The following FMN2 variants were observed in gnomAD, a reference collection of about 807,000 sequenced individuals.
FMN2 encodes formin 2.
Under a neutral mutation model 142.3 loss-of-function variants are expected in FMN2, and 51 were observed. The ratio of observed to expected loss-of-function variants is 0.36; its 90% CI spans 0.29 to 0.45. FMN2 has a LOEUF of 0.45. Ranked by LOEUF, FMN2 falls within the 20% of genes least tolerant of loss-of-function variation. The pLI is 1.00. For missense variants in FMN2, 1,936 were observed against 2,122.8 expected, an observed-to-expected ratio of 0.91 and a Z score of 1.73; for synonymous variants, 882 against 869.8, an observed-to-expected ratio of 1.01 and a Z score of -0.25.
intron 14 of FMN2, among the ~76,000 whole-genome samples, chr1:240,378,825 C>A (rs1673133322): frequency 6.6e-6 from 1 of 152,086 alleles, no homozygotes; most frequent in Non-Finnish European, 1.5e-5. Context: ...TTTATATCAT[C>A]CATTTTCTTC....
intron 3 of FMN2, among the ~76,000 whole-genome samples, chr1:240,185,825 A>G (rs918860742): frequency 2.6e-5 from 4 of 152,156 alleles, no homozygotes; most frequent in East Asian, 1.9e-4. Context: ...TCTTGAGTCT[A>G]TTGTGTTTGG....
intron 13 of FMN2, among the ~76,000 whole-genome samples, chr1:240,341,029 A>G (rs1023952642): frequency 7.2e-5 from 11 of 152,084 alleles, no homozygotes; most frequent in African/African-American, 1.2e-4. Flanking sequence ...CATCTCTTTC[A>G]TGTGTTTAAA....
In FMN2 at chr1:240,222,988, C is replaced by T. The variant is rs562274162; in HGVS notation, c.4065+11753C>T. ...GAATACCCTTTATTTCTTTCTTTTG[C>T]CTGATTGCCCTGGCCAGAACTTTTA... On this transcript the variant is annotated intron_variant, in intron 6 of 17. Coordinates refer to ENST00000319653, the MANE Select transcript of FMN2 (RefSeq NM_020066.5). 2.7e-3 allele frequency among the ~76,000 whole-genome samples: 413 copies of T among 152,248 alleles called. 3 individuals are homozygous for T. The South Asian group carries it at 0.027, about 10-fold the overall frequency.
intron 1 of FMN2, among the ~76,000 whole-genome samples, chr1:240,096,499 ACGTT>A (rs1026441298): frequency 6.6e-6 from 1 of 152,096 alleles, no homozygotes. Flanking sequence ...ATCTGCCACT[ACGTT>A]TGCTTCTTTA....
At chr1:240,327,061 T>C (rs1671196385) in intron 8 of FMN2, among the ~76,000 whole-genome samples, 1 of 152,214 alleles carries the variant, frequency 6.6e-6, no homozygotes, top group Non-Finnish European at 1.5e-5. Flanking sequence ...AATGAAGTAG[T>C]ATTTGCTCAA....
intron 15 of FMN2, among the ~76,000 whole-genome samples, chr1:240,397,716 G>A (rs571191359): frequency 2.1e-4 from 32 of 150,466 alleles, no homozygotes; most frequent in African/African-American, 7.1e-4. Flanking sequence ...CTTGAACCTG[G>A]GAGGCGGAGG....
intron 2 of FMN2, chr1:240,170,270 A>G: frequency 8.5e-7 from 1 of 1,177,524 alleles, no homozygotes; most frequent in Non-Finnish European, 1.3e-6. Flanking sequence ...AAGGCTCGTG[A>G]AGTTTGAATC....
intron 3 of FMN2, among the ~76,000 whole-genome samples, chr1:240,184,895 A>C (rs1294682407): frequency 6.6e-6 from 1 of 151,340 alleles, no homozygotes; most frequent in Non-Finnish European, 1.5e-5. Flanking sequence ...CCGCTCCCTA[A>C]AGGACACTTT....
intron 1 of FMN2, among the ~76,000 whole-genome samples, chr1:240,116,669 T>C (rs1662036292): frequency 6.6e-6 from 1 of 151,920 alleles, no homozygotes; most frequent in African/African-American, 2.4e-5. Context: ...AGCAGGAGGA[T>C]TGCTTTTGTC....
chr1:240,295,204 A>G lies in FMN2; in HGVS notation c.4215+321A>G, dbSNP rs796603303. Among the ~76,000 whole-genome samples the G allele has an allele frequency of 8.6e-4, 118 of 136,706 alleles. 1 individual carries two copies. Among genetic ancestry groups the G allele is most frequent in the South Asian group, 3.2e-3 (15 of 4,632 alleles). 89.7% of individuals were successfully genotyped at this position (136,706 alleles called of 152,430 possible). A position where few individuals can be genotyped will look rare whatever the true frequency, so the allele number is the denominator to read the frequency against. The stretch of plus-strand genomic sequence containing the variant: ...GTGCACTTCATACACACACACACAC[A>G]CACACACACACACACACACACTCAC... On this transcript the variant is annotated intron_variant, in intron 8 of 17. Coordinates refer to ENST00000319653, the MANE Select transcript of FMN2 (RefSeq NM_020066.5).
intron 7 of FMN2, among the ~76,000 whole-genome samples, chr1:240,288,532 G>A (rs917373966): frequency 4.6e-5 from 7 of 152,160 alleles, no homozygotes; most frequent in African/African-American, 1.4e-4. Flanking sequence ...GGTTAGCAAT[G>A]TGTTGTGATG....
chr1:240,117,354 A>G (rs1020429884), intron 1 of FMN2, among the ~76,000 whole-genome samples: 1 of 152,202 alleles, frequency 6.6e-6, no homozygotes, highest in Non-Finnish European at 1.5e-5. Flanking sequence ...TGAGGTATAT[A>G]GCTGTGCACT....
At chr1:240,146,122 A>G (rs557881625) in intron 2 of FMN2, among the ~76,000 whole-genome samples, 8 of 151,962 alleles carry the variant, frequency 5.3e-5, no homozygotes, top group Admixed American at 1.3e-4. Flanking sequence ...AGTGGATCAC[A>G]CCTGTAATCC....
intron 2 of FMN2, among the ~76,000 whole-genome samples, chr1:240,149,842 G>A (rs1312749981): frequency 6.6e-6 from 1 of 152,036 alleles, no homozygotes; most frequent in Non-Finnish European, 1.5e-5. Flanking sequence ...AATTCTTTGA[G>A]GTAAATTTTT....
rs183515352 is a variant in FMN2 at position 240,112,184 on chromosome 1, T to G, written c.1616-10995T>G. Among the ~76,000 whole-genome samples, 50 of 147,612 alleles carry G rather than the reference T, an allele frequency of 3.4e-4. No individual in the cohort carries two copies. The East Asian group carries it at 6.5e-3, about 19-fold the overall frequency. Reference sequence around the variant, plus strand: ...AGTCTCACTCTGTCACCAGCTAGAGTGCAGTGGTGTGATCTCGGCTCACTG... The same window carrying G: ...AGTCTCACTCTGTCACCAGCTAGAGGGCAGTGGTGTGATCTCGGCTCACTG... On this transcript the variant is annotated intron_variant, in intron 1 of 17. Transcript: ENST00000319653.
chr1:240,119,185 C>T (rs1343829423), intron 1 of FMN2, among the ~76,000 whole-genome samples: 1 of 151,916 alleles, frequency 6.6e-6, no homozygotes, highest in African/African-American at 2.4e-5. Flanking sequence ...AAAAATTAGC[C>T]GGGTGTGGTG....
chr1:240,172,075 A>G (rs932467746), intron 2 of FMN2, among the ~76,000 whole-genome samples: 3 of 152,214 alleles, frequency 2.0e-5, no homozygotes, highest in African/African-American at 4.8e-5. Flanking sequence ...TACTCACAGT[A>G]TGTTGATTAT....
At chr1:240,136,600 A>G (rs1662950315) in intron 2 of FMN2, among the ~76,000 whole-genome samples, 1 of 151,978 alleles carries the variant, frequency 6.6e-6, no homozygotes, top group South Asian at 2.1e-4. Flanking sequence ...CTCAGAATTC[A>G]TTTTGAATTT....
At chr1:240,424,729 A>G (rs1674879930) in intron 15 of FMN2, among the ~76,000 whole-genome samples, 1 of 152,172 alleles carries the variant, frequency 6.6e-6, no homozygotes, top group African/African-American at 2.4e-5. Flanking sequence ...TAAATGGGGA[A>G]CAAAGCTCAA....
Sources: allele counts gnomAD v4.1 joint callset (sites outside exome capture counted in the v4.1 genomes callset), GRCh38; gene constraint gnomAD v4.1.1; transcripts MANE v1.5; gene names NCBI Gene and HGNC (gene_info 2026-07-23, HGNC 2026-07-21).